Variants in CNTNAP2 observed in about 807,000 individuals in gnomAD.
CNTNAP2 encodes contactin-associated protein-like 2.
A neutral mutation model predicts 155.2 loss-of-function variants in CNTNAP2; 98 were observed. That is an observed-to-expected ratio of 0.63 (90% CI 0.54 to 0.75). The LOEUF (loss-of-function observed/expected upper bound fraction) is 0.75, where lower values mean the gene tolerates loss of function less well. Among genes scored for constraint, CNTNAP2 ranks in the 30% least tolerant of loss-of-function variants. The pLI is 0.00. For missense variants in CNTNAP2, 1,727 were observed against 1,688.1 expected (o/e 1.02, Z -0.40); for synonymous variants, 651 against 631.2 (o/e 1.03, Z -0.47).
intron 11 of CNTNAP2, among the ~76,000 whole-genome samples, chr7:147,556,646 G>A (rs1799957014): frequency 6.6e-6 from 1 of 152,076 alleles, no homozygotes; most frequent in East Asian, 1.9e-4. Flanking sequence ...GAATGTGTGT[G>A]GCCTCTATAA....
chr7:147,607,720 C>A (rs530089230), intron 12 of CNTNAP2, among the ~76,000 whole-genome samples: 2 of 152,130 alleles, frequency 1.3e-5, no homozygotes, highest in Non-Finnish European at 2.9e-5. Flanking sequence ...TGTATATTTT[C>A]TGCTGCATCA....
chr7:147,496,913 T>A (rs1352032596), intron 11 of CNTNAP2: 1 of 152,198 alleles, frequency 6.6e-6, no homozygotes, highest in Non-Finnish European at 1.5e-5. Flanking sequence ...AAAAGAATGC[T>A]ACAAAAATAT....
At chr7:147,499,402 G>A (rs1283019906) in intron 11 of CNTNAP2, among the ~76,000 whole-genome samples, 17 of 151,830 alleles carry the variant, frequency 1.1e-4, no homozygotes, top group Non-Finnish European at 1.8e-4. Flanking sequence ...GGTGGCAGGC[G>A]CCTGTAGTCC....
intron 15 of CNTNAP2, among the ~76,000 whole-genome samples, chr7:148,068,781 G>A (rs1168006311): frequency 6.6e-6 from 1 of 152,146 alleles, no homozygotes; most frequent in Admixed American, 6.5e-5. Flanking sequence ...CTTAATCTGT[G>A]TGAGTAGGTT....
intron 12 of CNTNAP2, among the ~76,000 whole-genome samples, chr7:147,613,893 T>C (rs988041): frequency 0.69 from 104,197 of 152,040 alleles, 36,135 homozygotes; most frequent in African/African-American, 0.78. Flanking sequence ...CCTCTATGGA[T>C]TTTGAAGGTC....
chr7:147,428,516 G>A (rs1797417050), intron 10 of CNTNAP2, among the ~76,000 whole-genome samples: 1 of 152,102 alleles, frequency 6.6e-6, no homozygotes, highest in African/African-American at 2.4e-5. Flanking sequence ...TTCTACCCTA[G>A]AATGGAGGAT....
intron 14 of CNTNAP2, among the ~76,000 whole-genome samples, chr7:147,930,654 A>G (rs2116797750): frequency 6.6e-6 from 1 of 152,354 alleles, no homozygotes; most frequent in Middle Eastern, 3.4e-3. Flanking sequence ...GCAGATAGAC[A>G]TTCAGACAGA....
chr7:147,025,551 C>T (rs1798902405), intron 3 of CNTNAP2, among the ~76,000 whole-genome samples: 1 of 149,528 alleles, frequency 6.7e-6, no homozygotes, highest in African/African-American at 2.5e-5. Context: ...AAAGAAACCT[C>T]CCATATCATC....
At chr7:147,705,357 TTTA>T (rs1456486685) in intron 13 of CNTNAP2, among the ~76,000 whole-genome samples, 5 of 152,176 alleles carry the variant, frequency 3.3e-5, no homozygotes, top group African/African-American at 1.2e-4. Context: ...TTCTGCAGTT[TTTA>T]AAGTGTCCCT....
chr7:148,354,990 C>T (rs1486434944), intron 21 of CNTNAP2, among the ~76,000 whole-genome samples: 8 of 151,998 alleles, frequency 5.3e-5, no homozygotes, highest in Admixed American at 5.2e-4. Flanking sequence ...ATTGATTAAA[C>T]AATGGAAAGC....
chr7:146,667,970 A>C (rs990674156), intron 1 of CNTNAP2, among the ~76,000 whole-genome samples: 1 of 151,960 alleles, frequency 6.6e-6, no homozygotes, highest in Non-Finnish European at 1.5e-5. Context: ...TTTAATTTTC[A>C]TTTCCCAATT....
chr7:148,356,219 A>C (rs1241963551), intron 21 of CNTNAP2, among the ~76,000 whole-genome samples: 2 of 151,864 alleles, frequency 1.3e-5, no homozygotes, highest in Non-Finnish European at 2.9e-5. Context: ...ACATGGTTTT[A>C]AAATATAAAA....
intron 3 of CNTNAP2, among the ~76,000 whole-genome samples, chr7:146,980,815 A>G (rs1172428074): frequency 6.6e-6 from 1 of 152,182 alleles, no homozygotes; most frequent in African/African-American, 2.4e-5. Flanking sequence ...TTTCCACATG[A>G]GATTCTGAGG....
At chr7:146,846,952 A>G (rs1162292143) in intron 3 of CNTNAP2, among the ~76,000 whole-genome samples, 1 of 144,106 alleles carries the variant, frequency 6.9e-6, no homozygotes, top group Admixed American at 6.7e-5. Flanking sequence ...AAGATTTGTT[A>G]TCAATTATAC....
intron 3 of CNTNAP2, among the ~76,000 whole-genome samples, chr7:146,946,878 A>G (rs1427259515): frequency 5.3e-5 from 8 of 152,098 alleles, no homozygotes; most frequent in African/African-American, 1.9e-4. Context: ...ATTATTTAAA[A>G]CTGATAATTG....
chr7:147,237,332 C>A (rs895356079), intron 8 of CNTNAP2, among the ~76,000 whole-genome samples: 5 of 152,086 alleles, frequency 3.3e-5, no homozygotes, highest in Non-Finnish European at 7.4e-5. Flanking sequence ...CTTGGCCTCC[C>A]AAAGTGTTGG....
intron 1 of CNTNAP2, among the ~76,000 whole-genome samples, chr7:146,538,629 T>A (rs1797905606): frequency 6.6e-6 from 1 of 151,990 alleles, no homozygotes. Flanking sequence ...CAGGTCTCTT[T>A]ATCTGACAGA....
At chr7:146,320,878 G>T (rs1800988858) in intron 1 of CNTNAP2, among the ~76,000 whole-genome samples, 1 of 151,926 alleles carries the variant, frequency 6.6e-6, no homozygotes, top group Admixed American at 6.6e-5. Context: ...ATATTGTTAA[G>T]ATTTTCTGAA....
At chr7:148,156,424 T>A (rs1429660671) in intron 17 of CNTNAP2, among the ~76,000 whole-genome samples, 1 of 152,088 alleles carries the variant, frequency 6.6e-6, no homozygotes, top group African/African-American at 2.4e-5. Context: ...CTGTCCTGCT[T>A]ATTTTTCCTA....
Sources: allele counts gnomAD v4.1 joint callset (sites outside exome capture counted in the v4.1 genomes callset), GRCh38; gene constraint gnomAD v4.1.1; transcripts MANE v1.5; gene names NCBI Gene and HGNC (gene_info 2026-07-23, HGNC 2026-07-21).